LINGO2: variants seen among roughly 807,000 people sequenced by gnomAD.
LINGO2 encodes the protein leucine rich repeat and Ig domain containing 2.
LINGO2 carries 14 observed loss-of-function variants against 30.6 expected under a neutral mutation model. The ratio of observed to expected loss-of-function variants is 0.46; its 90% CI spans 0.30 to 0.72. The LOEUF is 0.72. LINGO2 is among the 30% of genes least tolerant of loss of function. The pLI is 0.07. For missense variants in LINGO2, 729 were observed against 751.7 expected (o/e 0.97, Z 0.35); for synonymous variants, 317 against 288.5 (o/e 1.10, Z -1.00).
intron 5 of LINGO2, among the ~76,000 whole-genome samples, chr9:27,961,280 C>T (rs1237164563): frequency 6.6e-6 from 1 of 152,168 alleles, no homozygotes; most frequent in Non-Finnish European, 1.5e-5. Flanking sequence ...GTGACCCCAT[C>T]ATAAGTCATG....
the LINGO2 span, among the ~76,000 whole-genome samples, chr9:28,957,677 T>G: frequency 6.6e-6 from 1 of 152,140 alleles, no homozygotes; most frequent in Non-Finnish European, 1.5e-5. Flanking sequence ...AAATATCTGT[T>G]CATGTTTTTG....
intron 1 of LINGO2, among the ~76,000 whole-genome samples, chr9:28,578,858 T>C (rs1219109364): frequency 6.6e-6 from 1 of 152,124 alleles, no homozygotes; most frequent in Non-Finnish European, 1.5e-5. Context: ...TAAATGCAGA[T>C]GTAGCCTGTT....
chr9:29,062,252 T>A, the LINGO2 span, among the ~76,000 whole-genome samples: 1 of 152,106 alleles, frequency 6.6e-6, no homozygotes, highest in Non-Finnish European at 1.5e-5. Context: ...TATAAAATGG[T>A]ACAGCCATTA....
the LINGO2 span, among the ~76,000 whole-genome samples, chr9:28,887,268 T>G: frequency 1.3e-5 from 2 of 151,956 alleles, no homozygotes; most frequent in Admixed American, 1.3e-4. Flanking sequence ...GGAAAAAAAT[T>G]GAAAGGATTT....
chr9:28,547,460 C>A (rs979685897), intron 1 of LINGO2, among the ~76,000 whole-genome samples: 2 of 152,212 alleles, frequency 1.3e-5, no homozygotes, highest in East Asian at 3.9e-4. Context: ...CTAGAGATAG[C>A]AACTTTGCTC....
the LINGO2 span, among the ~76,000 whole-genome samples, chr9:28,724,789 G>A: frequency 6.6e-6 from 1 of 151,990 alleles, no homozygotes; most frequent in African/African-American, 2.4e-5. Flanking sequence ...AAGAGCAATT[G>A]GTTCATAAGT....
chr9:28,466,594 G>A (rs1825312843), intron 2 of LINGO2, among the ~76,000 whole-genome samples: 1 of 152,102 alleles, frequency 6.6e-6, no homozygotes, highest in Non-Finnish European at 1.5e-5. Context: ...AAATGAAAGA[G>A]TACAACTGGA....
chr9:29,135,186 C>A, the LINGO2 span, among the ~76,000 whole-genome samples: 7 of 151,928 alleles, frequency 4.6e-5, no homozygotes, highest in African/African-American at 1.7e-4. Flanking sequence ...TAATTTATTC[C>A]CTTTCTGCAC....
intron 4 of LINGO2, among the ~76,000 whole-genome samples, chr9:28,212,247 C>A (rs2133863295): frequency 6.6e-6 from 1 of 151,490 alleles, no homozygotes; most frequent in African/African-American, 2.4e-5. Flanking sequence ...CACTATTTCT[C>A]TGTGTTGAGT....
At chr9:28,597,982 C>G (rs1056844754) in intron 1 of LINGO2, among the ~76,000 whole-genome samples, 1 of 152,082 alleles carries the variant, frequency 6.6e-6, no homozygotes, top group African/African-American at 2.4e-5. Flanking sequence ...CCAGGCTGGT[C>G]TCGAACTCCA....
intron 4 of LINGO2, among the ~76,000 whole-genome samples, chr9:28,043,784 A>G (rs1824297005): frequency 6.6e-6 from 1 of 152,196 alleles, no homozygotes; most frequent in Non-Finnish European, 1.5e-5. Context: ...AATTTCATCT[A>G]CAATGATTTT....
chr9:28,744,903 G>A, the LINGO2 span, among the ~76,000 whole-genome samples: 2 of 151,874 alleles, frequency 1.3e-5, no homozygotes, highest in Non-Finnish European at 2.9e-5. Flanking sequence ...CCAAAGTACT[G>A]GGATTACAGG....
chr9:28,410,415 C>T (rs530273919), intron 2 of LINGO2, among the ~76,000 whole-genome samples: 4 of 152,176 alleles, frequency 2.6e-5, no homozygotes, highest in African/African-American at 9.6e-5. Context: ...AACAGAACTG[C>T]ACAGGCATAA....
intron 2 of LINGO2, among the ~76,000 whole-genome samples, chr9:28,450,522 A>G (rs1228715767): frequency 6.6e-6 from 1 of 152,068 alleles, no homozygotes; most frequent in Non-Finnish European, 1.5e-5. Flanking sequence ...TGATTAGATT[A>G]GGATCCTTTT....
At chr9:29,056,709 T>C in the LINGO2 span, among the ~76,000 whole-genome samples, 1 of 152,214 alleles carries the variant, frequency 6.6e-6, no homozygotes, top group African/African-American at 2.4e-5. Context: ...TTCAGGATTT[T>C]TATGGTTTCA....
intron 4 of LINGO2, among the ~76,000 whole-genome samples, chr9:28,038,314 G>A (rs1824037006): frequency 6.6e-6 from 1 of 152,116 alleles, no homozygotes; most frequent in South Asian, 2.1e-4. Flanking sequence ...AGAGGATGTG[G>A]GAAACTAAGT....
intron 1 of LINGO2, among the ~76,000 whole-genome samples, chr9:28,488,122 C>T (rs988326651): frequency 2.0e-5 from 3 of 152,066 alleles, no homozygotes; most frequent in African/African-American, 4.8e-5. Context: ...CCCACTTTCC[C>T]CATGGAGGTG....
chr9:29,123,069 C>A, the LINGO2 span, among the ~76,000 whole-genome samples: 230 of 152,168 alleles, frequency 1.5e-3, 2 homozygotes, highest in Admixed American at 2.2e-3. Flanking sequence ...ACACTTTAAT[C>A]AGCAAGCCCT....
chr9:28,226,642 GGAAAGAAAGAAAGAAAGAAA>G (rs397959896), intron 4 of LINGO2, among the ~76,000 whole-genome samples: 2 of 53,260 alleles, frequency 3.8e-5, no homozygotes, highest in Admixed American at 2.1e-4. Flanking sequence ...AAGGAAAGAA[GGAAAGAAAGAAAGAAAGAAA>G]GAAAGAAAGA....
Sources: gnomAD v4.1 joint callset for allele counts (sites outside exome capture counted in the v4.1 genomes callset) on GRCh38, gnomAD v4.1.1 for gene constraint, MANE v1.5 for transcripts, NCBI Gene and HGNC (gene_info 2026-07-23, HGNC 2026-07-21) for gene names.